Variants in RTN4RL1 observed in about 807,000 individuals in gnomAD.
RTN4RL1 encodes the protein reticulon-4 receptor-like 1.
Under a neutral mutation model 25.6 loss-of-function variants are expected in RTN4RL1, and 7 were observed. The observed-to-expected ratio is 0.27, with a 90% CI of 0.16 to 0.51. RTN4RL1 has a LOEUF of 0.51. Among genes scored for constraint, RTN4RL1 ranks in the 20% least tolerant of loss-of-function variants. The pLI is 0.97. For synonymous variants in RTN4RL1, 297 were observed against 288.2 expected, an observed-to-expected ratio of 1.03 and a Z score of -0.31; for missense variants, 500 against 615.6, an observed-to-expected ratio of 0.81 and a Z score of 1.99.
At chr17:1,987,012 G>A (rs191218940) in intron 1 of RTN4RL1, among the ~76,000 whole-genome samples, 136 of 152,288 alleles carry the variant, frequency 8.9e-4, no homozygotes, top group African/African-American at 2.8e-3. Context: ...CGGGGCTGCC[G>A]CTGCGACAAG....
intron 1 of RTN4RL1, among the ~76,000 whole-genome samples, chr17:1,996,312 G>A (rs1183716805): frequency 1.3e-5 from 2 of 152,102 alleles, no homozygotes; most frequent in Non-Finnish European, 2.9e-5. Flanking sequence ...CCAGAAACTG[G>A]TAAAGACAAC....
chr17:1,960,421 C>G (rs887881779), intron 1 of RTN4RL1, among the ~76,000 whole-genome samples: 1 of 152,080 alleles, frequency 6.6e-6, no homozygotes, highest in African/African-American at 2.4e-5. Flanking sequence ...CCACGTCGCC[C>G]TCGTGAGCGG....
chr17:1,937,416 C>T lies in RTN4RL1; in HGVS notation c.406G>A (p.Gly136Arg), dbSNP rs778075693. ...ACGCCGGCCGGCAAGGCGCTGAGCC[C>T]ACACTTGTAGAGGTAGAGGGCGTGA... ...KLHALYLYKC[G>R]LSALPAGVFG... is the part of the protein sequence containing the mutation. Residue 136 changes from glycine (G) to arginine (R), a missense_variant, in exon 2 of 2, where the codon GGG becomes AGG. Coordinates refer to ENST00000331238, the MANE Select transcript of RTN4RL1 (RefSeq NM_178568.4). 6.2e-7 allele frequency: 1 copy of T among 1,613,738 alleles called. No individual in the cohort carries two copies. The highest frequency in any genetic ancestry group is 8.5e-7 in the Non-Finnish European group (1 of 1,179,836).
chr17:1,968,305 C>T (rs2066801968), intron 1 of RTN4RL1, among the ~76,000 whole-genome samples: 1 of 152,178 alleles, frequency 6.6e-6, no homozygotes, highest in South Asian at 2.1e-4. Context: ...GTGACTACCA[C>T]CGCCTCCATC....
At chr17:1,949,874 T>C (rs1287043818) in intron 1 of RTN4RL1, among the ~76,000 whole-genome samples, 1 of 152,240 alleles carries the variant, frequency 6.6e-6, no homozygotes, top group Non-Finnish European at 1.5e-5. Flanking sequence ...CCTGGGCGAC[T>C]TCTGAATTGA....
At chr17:1,960,528 G>C (rs935388077) in intron 1 of RTN4RL1, among the ~76,000 whole-genome samples, 11 of 152,084 alleles carry the variant, frequency 7.2e-5, no homozygotes, top group Non-Finnish European at 1.6e-4. Flanking sequence ...TTCTTGCCTT[G>C]GAGGCTTTGT....
chr17:1,939,153 C>T (rs187111291), intron 1 of RTN4RL1, among the ~76,000 whole-genome samples: 8,054 of 151,934 alleles, frequency 0.053, 354 homozygotes, highest in Middle Eastern at 0.13. Flanking sequence ...GAGATCGAGA[C>T]CATCCTGGCT....
chr17:1,972,392 T>C (rs1216992123), intron 1 of RTN4RL1, among the ~76,000 whole-genome samples: 2 of 151,618 alleles, frequency 1.3e-5, no homozygotes. Context: ...CTACTTCCTG[T>C]TCTAAACACC....
chr17:2,001,761 A>G lies in RTN4RL1; in HGVS notation c.13+23092T>C, dbSNP rs2066958889. 3.3e-5 allele frequency among the ~76,000 whole-genome samples: 5 copies of G among 152,134 alleles called. No individual in the cohort carries two copies. In the South Asian group the frequency reaches 1.0e-3, roughly 32 times the overall value. On this transcript the variant is annotated intron_variant, in intron 1 of 1. Transcript: ENST00000331238. ...CTTGTTCTCGAGCAGCCCCTCCTCA[A>G]TGGCCAGTGGAGAGCTGGGCCGGGC...
chr17:1,968,110 G>A (rs763970560), intron 1 of RTN4RL1, among the ~76,000 whole-genome samples: 1 of 152,134 alleles, frequency 6.6e-6, no homozygotes, highest in African/African-American at 2.4e-5. Flanking sequence ...GCCCGTGGGA[G>A]CCACCGTGAC....
intron 1 of RTN4RL1, among the ~76,000 whole-genome samples, chr17:2,014,565 C>T (rs1012130616): frequency 2.0e-5 from 3 of 152,188 alleles, no homozygotes; most frequent in African/African-American, 7.2e-5. Context: ...GGCACGGTGG[C>T]TCATGCCTGT....
chr17:1,937,876 G>A, intron 1 of RTN4RL1, 68 bp from the exon 2 acceptor site: 1 of 1,256,822 alleles, frequency 8.0e-7, no homozygotes. Flanking sequence ...GCACCCTCCG[G>A]CGCCCGCCGA....
chr17:1,973,620 T>C (rs188862126), intron 1 of RTN4RL1, among the ~76,000 whole-genome samples: 133 of 152,238 alleles, frequency 8.7e-4, no homozygotes, highest in African/African-American at 2.9e-3. Context: ...GAGACTCCCA[T>C]TGGTCCAAGG....
chr17:1,949,162 T>C (rs1567506697), intron 1 of RTN4RL1, among the ~76,000 whole-genome samples: 2 of 152,024 alleles, frequency 1.3e-5, no homozygotes, highest in Non-Finnish European at 2.9e-5. Context: ...GGGGTTTTCT[T>C]GTGTTAGCCA....
intron 1 of RTN4RL1, among the ~76,000 whole-genome samples, chr17:2,005,473 C>A (rs375795958): frequency 1.3e-5 from 2 of 152,232 alleles, no homozygotes; most frequent in African/African-American, 4.8e-5. Flanking sequence ...AAGGGCTTGG[C>A]CACTGACCTT....
At chr17:1,977,841 C>T (rs891037167) in intron 1 of RTN4RL1, among the ~76,000 whole-genome samples, 1 of 152,098 alleles carries the variant, frequency 6.6e-6, no homozygotes, top group Non-Finnish European at 1.5e-5. Flanking sequence ...CCAGCGGCCG[C>T]GGGCCGCCCG....
intron 1 of RTN4RL1, among the ~76,000 whole-genome samples, chr17:1,981,071 C>T (rs1567515899): frequency 6.6e-6 from 1 of 151,966 alleles, no homozygotes; most frequent in Non-Finnish European, 1.5e-5. Flanking sequence ...CCTTGTGACC[C>T]ACAGGGAGTC....
intron 1 of RTN4RL1, among the ~76,000 whole-genome samples, chr17:1,941,495 G>A (rs1164980332): frequency 6.6e-6 from 1 of 152,278 alleles, no homozygotes; most frequent in East Asian, 1.9e-4. Flanking sequence ...ACAAGCCATT[G>A]TATCAGGGGC....
At chr17:1,941,209 G>A (rs1353161804) in intron 1 of RTN4RL1, among the ~76,000 whole-genome samples, 5 of 152,186 alleles carry the variant, frequency 3.3e-5, no homozygotes, top group Admixed American at 3.3e-4. Context: ...CGGGTCCCAC[G>A]GAGAGACATT....
Sources: allele counts gnomAD v4.1 joint callset (sites outside exome capture counted in the v4.1 genomes callset), GRCh38; gene constraint gnomAD v4.1.1; transcripts MANE v1.5; gene names NCBI Gene and HGNC (gene_info 2026-07-23, HGNC 2026-07-21).